GULP1: variants seen among roughly 807,000 people sequenced by gnomAD.
GULP1 encodes the protein PTB domain-containing engulfment adapter protein 1.
GULP1 carries 19 observed loss-of-function variants against 40.9 expected under a neutral mutation model. That is an observed-to-expected ratio of 0.46 (90% CI 0.32 to 0.68). GULP1 has a LOEUF of 0.68. Ranked by LOEUF, GULP1 falls within the 30% of genes least tolerant of loss-of-function variation. GULP1 has a pLI of 0.03. For synonymous variants in GULP1, 119 were observed against 117.6 expected (o/e 1.01, Z -0.08); for missense variants, 312 against 362.2 (o/e 0.86, Z 1.12).
At chr2:188,370,052 C>A (rs1000975796) in intron 1 of GULP1, among the ~76,000 whole-genome samples, 3 of 152,052 alleles carry the variant, frequency 2.0e-5, no homozygotes, top group Non-Finnish European at 4.4e-5. Flanking sequence ...TGCTTTGTTG[C>A]CCAAGCTGCT....
chr2:188,577,855 A>C (rs1700464992), intron 9 of GULP1, among the ~76,000 whole-genome samples: 2 of 152,124 alleles, frequency 1.3e-5, no homozygotes, highest in South Asian at 2.1e-4. Context: ...GAACTTTAAA[A>C]GTATGAATCA....
chr2:188,395,596 T>C (rs1314467274), intron 2 of GULP1, among the ~76,000 whole-genome samples: 1 of 152,192 alleles, frequency 6.6e-6, no homozygotes, highest in African/African-American at 2.4e-5. Flanking sequence ...GAGCTTCCCA[T>C]CAGCAGAAAG....
intron 1 of GULP1, among the ~76,000 whole-genome samples, chr2:188,357,391 C>G (rs1174283030): frequency 2.0e-5 from 3 of 152,068 alleles, no homozygotes; most frequent in African/African-American, 7.2e-5. Flanking sequence ...GGCAAATGAT[C>G]TGACTAGACA....
At chr2:188,370,302 C>G (rs2047431429) in intron 1 of GULP1, among the ~76,000 whole-genome samples, 1 of 152,142 alleles carries the variant, frequency 6.6e-6, no homozygotes, top group Non-Finnish European at 1.5e-5. Flanking sequence ...TGAGAAATTC[C>G]TTGTCACAAG....
At position 188,350,373 on chromosome 2, in the gene GULP1, T is replaced by G. The variant is rs576107621; in HGVS notation, c.-171-33390T>G. Reference sequence around the variant, plus strand: ...GTTCTTCTCTAATTTCTTTCAACAATGTGTTTTTAGTTTTCAGTGAACACA... The same window carrying G: ...GTTCTTCTCTAATTTCTTTCAACAAGGTGTTTTTAGTTTTCAGTGAACACA... On this transcript the variant is annotated intron_variant, in intron 1 of 11. Coordinates refer to ENST00000409830, the MANE Select transcript of GULP1 (RefSeq NM_016315.4). Among the ~76,000 whole-genome samples, 4 of 152,238 alleles carry G rather than the reference T, an allele frequency of 2.6e-5. No individual in the cohort carries two copies. The East Asian group carries it at 7.7e-4, about 29-fold the overall frequency.
At chr2:188,575,954 T>A (rs768887486) in intron 9 of GULP1, among the ~76,000 whole-genome samples, 5 of 152,060 alleles carry the variant, frequency 3.3e-5, no homozygotes, top group Non-Finnish European at 7.4e-5. Context: ...TTTTGACACA[T>A]TTTGAAAGTA....
At chr2:188,317,278 A>G (rs968162956) in intron 1 of GULP1, among the ~76,000 whole-genome samples, 1 of 152,124 alleles carries the variant, frequency 6.6e-6, no homozygotes, top group African/African-American at 2.4e-5. Context: ...CTTTAATCCT[A>G]AGAACATGGT....
At chr2:188,327,599 C>T (rs2040937377) in intron 1 of GULP1, among the ~76,000 whole-genome samples, 1 of 152,020 alleles carries the variant, frequency 6.6e-6, no homozygotes, top group Non-Finnish European at 1.5e-5. Context: ...TTCACATGAC[C>T]ATATGTAACA....
intron 2 of GULP1, among the ~76,000 whole-genome samples, chr2:188,384,646 G>A (rs1027571039): frequency 3.9e-5 from 6 of 152,172 alleles, no homozygotes; most frequent in Non-Finnish European, 8.8e-5. Context: ...TTAGAGACAA[G>A]GCAGGTCCTT....
intron 4 of GULP1, among the ~76,000 whole-genome samples, chr2:188,493,771 T>G (rs868062152): frequency 6.6e-6 from 1 of 152,136 alleles, no homozygotes; most frequent in South Asian, 2.1e-4. Context: ...TTGGTTTACA[T>G]AAAAGAACAC....
intron 1 of GULP1, among the ~76,000 whole-genome samples, chr2:188,327,539 G>C (rs186200463): frequency 1.6e-4 from 25 of 152,180 alleles, no homozygotes; most frequent in African/African-American, 6.0e-4. Context: ...TGGACCACAG[G>C]CTTCAGGGCT....
At chr2:188,459,345 T>C (rs1008372268) in intron 2 of GULP1, among the ~76,000 whole-genome samples, 1 of 152,188 alleles carries the variant, frequency 6.6e-6, no homozygotes, top group African/African-American at 2.4e-5. Flanking sequence ...CTCCACATTC[T>C]CGCTAGCATT....
intron 4 of GULP1, among the ~76,000 whole-genome samples, chr2:188,516,723 T>C (rs2065210686): frequency 6.6e-6 from 1 of 152,200 alleles, no homozygotes; most frequent in African/African-American, 2.4e-5. Flanking sequence ...TTTGTATTTA[T>C]GACAATTTCC....
chr2:188,436,055 A>G (rs1318995894), intron 2 of GULP1, among the ~76,000 whole-genome samples: 3 of 152,084 alleles, frequency 2.0e-5, no homozygotes, highest in Non-Finnish European at 4.4e-5. Flanking sequence ...CATGTAACTT[A>G]AGGTAATCCT....
intron 11 of GULP1, chr2:188,591,161 A>C (rs1347828706): frequency 6.6e-6 from 1 of 152,128 alleles, no homozygotes; most frequent in African/African-American, 2.4e-5. Context: ...AGAAGACCAC[A>C]AGTGGCTTAC....
intron 1 of GULP1, among the ~76,000 whole-genome samples, chr2:188,354,608 T>G (rs897123595): frequency 2.0e-5 from 3 of 152,170 alleles, no homozygotes; most frequent in Non-Finnish European, 4.4e-5. Context: ...CCAGCACTAG[T>G]GTGGCTACTT....
chr2:188,311,149 T>C (rs2038024159), intron 1 of GULP1, among the ~76,000 whole-genome samples: 1 of 152,132 alleles, frequency 6.6e-6, no homozygotes, highest in Non-Finnish European at 1.5e-5. Context: ...CAAGGAATTA[T>C]GCCCAATTCC....
intron 7 of GULP1, among the ~76,000 whole-genome samples, chr2:188,552,438 T>C (rs1259571530): frequency 2.0e-5 from 3 of 151,944 alleles, no homozygotes; most frequent in East Asian, 1.9e-4. Context: ...TAACTTCTTT[T>C]TGGCTTTGTC....
chr2:188,301,033 G>C (rs946192108), intron 1 of GULP1, among the ~76,000 whole-genome samples: 1 of 151,866 alleles, frequency 6.6e-6, no homozygotes, highest in African/African-American at 2.4e-5. Flanking sequence ...ATTTATTTTA[G>C]AGACAGGGTC....
Sources: gnomAD v4.1 joint callset for allele counts (sites outside exome capture counted in the v4.1 genomes callset) on GRCh38, gnomAD v4.1.1 for gene constraint, MANE v1.5 for transcripts, NCBI Gene and HGNC (gene_info 2026-07-23, HGNC 2026-07-21) for gene names.